The following PKNOX2 variants were observed in gnomAD, a reference collection of about 807,000 sequenced individuals.
PKNOX2 encodes the protein PBX/knotted 1 homeobox 2.
A neutral mutation model predicts 53.1 loss-of-function variants in PKNOX2; 14 were observed. The observed-to-expected ratio is 0.26, with a 90% CI of 0.17 to 0.41. The LOEUF (loss-of-function observed/expected upper bound fraction) is 0.41, where lower values mean the gene tolerates loss of function less well. Ranked by LOEUF, PKNOX2 falls within the 10% of genes least tolerant of loss-of-function variation. PKNOX2 has a pLI of 1.00. For synonymous variants in PKNOX2, 257 were observed against 242.8 expected (o/e 1.06, Z -0.54); for missense variants, 496 against 602.8 (o/e 0.82, Z 1.85).
intron 2 of PKNOX2, among the ~76,000 whole-genome samples, chr11:125,280,092 A>T (rs1216500470): frequency 4.1e-5 from 6 of 144,584 alleles, no homozygotes; most frequent in Non-Finnish European, 6.0e-5. Context: ...CTGATAAAGG[A>T]TTTTTTTTCC....
At position 125,166,559 on chromosome 11, in the gene PKNOX2, G is replaced by A. The variant is rs1954891317; in HGVS notation, c.-201+1783G>A. On this transcript the variant is annotated intron_variant, in intron 1 of 12. Coordinates refer to ENST00000298282, the MANE Select transcript of PKNOX2 (RefSeq NM_001382323.2). The surrounding 1 kb of genome is among the most constrained non-coding windows in gnomAD (Gnocchi z 4.0). ...TGCTCCAGGAGCCACCTGGGTCTGC[G>A]GGCGCAGCGCGGCGGGGCGGGAGCG... Among the ~76,000 whole-genome samples, 1 of 152,146 alleles carries A rather than the reference G, an allele frequency of 6.6e-6. No homozygotes were observed. The highest frequency in any genetic ancestry group is 1.5e-5 in the Non-Finnish European group (1 of 68,020).
chr11:125,213,638 T>C (rs1180479879), intron 1 of PKNOX2, among the ~76,000 whole-genome samples: 1 of 152,070 alleles, frequency 6.6e-6, no homozygotes, highest in Non-Finnish European at 1.5e-5. Context: ...TTGTAATTTT[T>C]GTAAAGACAA....
Position 125,431,623 on chromosome 11 carries a change from G to A in PKNOX2, c.*231G>A. On this transcript the variant is annotated 3_prime_UTR_variant, in exon 13 of 13. Coordinates refer to ENST00000298282, the MANE Select transcript of PKNOX2 (RefSeq NM_001382323.2). ...CTGGAACTGCCGAGGACTCTGTTTG[G>A]CGGGGCCAGTCGAGCAGCCTGTGTG... 2 of 561,392 alleles carry A rather than the reference G, an allele frequency of 3.6e-6. No homozygotes were observed. Among genetic ancestry groups the A allele is most frequent in the Non-Finnish European group, 6.3e-6 (2 of 316,244 alleles). The allele number at this position is 561,392 out of a possible 1,614,324, so 34.8% of individuals were successfully genotyped here. A position where few individuals can be genotyped will look rare whatever the true frequency, so the allele number is the denominator to read the frequency against.
chr11:125,199,165 G>A (rs1393476461), intron 1 of PKNOX2, among the ~76,000 whole-genome samples: 1 of 151,810 alleles, frequency 6.6e-6, no homozygotes, highest in Non-Finnish European at 1.5e-5. Context: ...TCTCCTCTTT[G>A]GTAGTTGATC....
At chr11:125,332,153 C>A (rs546829003) in intron 3 of PKNOX2, among the ~76,000 whole-genome samples, 1 of 152,242 alleles carries the variant, frequency 6.6e-6, no homozygotes, top group South Asian at 2.1e-4. Context: ...ATTCTGTGAA[C>A]AATAAATGGT....
intron 4 of PKNOX2, among the ~76,000 whole-genome samples, chr11:125,359,107 A>AAAGGCAGGAAGGTGGACACCATCGGG (rs1951782968): frequency 6.8e-6 from 1 of 146,916 alleles, no homozygotes; most frequent in African/African-American, 2.7e-5. Flanking sequence ...ACACCATCGG[A>AAAGGCAGGAAGGTGGACACCATCGGG]AAGGCAGGAA....
intron 2 of PKNOX2, among the ~76,000 whole-genome samples, chr11:125,307,373 C>T (rs1948532363): frequency 6.6e-6 from 1 of 152,126 alleles, no homozygotes; most frequent in African/African-American, 2.4e-5. Flanking sequence ...GCCTGGCCAA[C>T]ATGGTGAAAC....
At chr11:125,286,934 G>C (rs1041902367) in intron 2 of PKNOX2, among the ~76,000 whole-genome samples, 4 of 152,196 alleles carry the variant, frequency 2.6e-5, no homozygotes, top group Non-Finnish European at 4.4e-5. Flanking sequence ...TTCTCAAGAG[G>C]GAAAGCGTTG....
At chr11:125,350,036 G>A (rs1565503335) in intron 3 of PKNOX2, among the ~76,000 whole-genome samples, 1 of 152,166 alleles carries the variant, frequency 6.6e-6, no homozygotes, top group Non-Finnish European at 1.5e-5. Flanking sequence ...GAGGGTGTGA[G>A]TGCTGTGCTC....
chr11:125,214,444 T>A (rs1403620528), intron 1 of PKNOX2, among the ~76,000 whole-genome samples: 2 of 152,072 alleles, frequency 1.3e-5, no homozygotes, highest in East Asian at 3.9e-4. Flanking sequence ...TTCTTCTGGC[T>A]AAGAGTGACA....
At position 125,166,438 on chromosome 11, in the gene PKNOX2, G is replaced by T. The variant is rs1211123004; in HGVS notation, c.-201+1662G>T. On this transcript the variant is annotated intron_variant, in intron 1 of 12. Coordinates refer to ENST00000298282, the MANE Select transcript of PKNOX2 (RefSeq NM_001382323.2). The surrounding 1 kb of genome is among the most constrained non-coding windows in gnomAD (Gnocchi z 4.0). ...CCCGGTCCTAAGAGAGCGATTCCGG[G>T]AAGCGGACAGATCGAAGAGACCTTC... Among the ~76,000 whole-genome samples, 1 of 152,214 alleles carries T rather than the reference G, an allele frequency of 6.6e-6. No individual in the cohort carries two copies. Among genetic ancestry groups the T allele is most frequent in the Non-Finnish European group, 1.5e-5 (1 of 68,032 alleles).
At chr11:125,329,450 G>A (rs56299787) in intron 2 of PKNOX2, among the ~76,000 whole-genome samples, 8,611 of 152,270 alleles carry the variant, frequency 0.057, 357 homozygotes, top group African/African-American at 0.11. Context: ...AGTTAAAGAA[G>A]ATATTACACA....
chr11:125,411,501 T>TCG, intron 9 of PKNOX2: 1 of 451,412 alleles, frequency 2.2e-6, no homozygotes, highest in East Asian at 4.2e-5. Flanking sequence ...TCTCTCTCTC[T>TCG]CTCTCTCTCC....
intron 2 of PKNOX2, among the ~76,000 whole-genome samples, chr11:125,251,427 C>A (rs1389413692): frequency 6.6e-6 from 1 of 152,166 alleles, no homozygotes; most frequent in African/African-American, 2.4e-5. Flanking sequence ...CTCTGTGGGG[C>A]TAGCTTGGAA....
chr11:125,420,890 C>G (rs1956137203), intron 10 of PKNOX2, among the ~76,000 whole-genome samples: 2 of 152,110 alleles, frequency 1.3e-5, no homozygotes, highest in African/African-American at 2.4e-5. Flanking sequence ...GGAGTCTTCC[C>G]CAGCCTAGTT....
intron 1 of PKNOX2, among the ~76,000 whole-genome samples, chr11:125,170,673 T>C (rs995127764): frequency 2.0e-5 from 3 of 152,240 alleles, no homozygotes; most frequent in Non-Finnish European, 4.4e-5. Context: ...ACGTTTCTGC[T>C]AAGACCTATC....
At chr11:125,170,172 G>A (rs1328867833) in intron 1 of PKNOX2, among the ~76,000 whole-genome samples, 1 of 152,184 alleles carries the variant, frequency 6.6e-6, no homozygotes, top group Non-Finnish European at 1.5e-5. Flanking sequence ...TTCTGGGCCA[G>A]AAAGCCCAAG....
intron 7 of PKNOX2, among the ~76,000 whole-genome samples, chr11:125,400,421 C>T (rs142926854): frequency 1.6e-3 from 249 of 152,300 alleles, no homozygotes; most frequent in African/African-American, 5.7e-3. Context: ...ATTCATCTTT[C>T]TAACTTTGTT....
At chr11:125,213,887 TA>T (rs1452997557) in intron 1 of PKNOX2, among the ~76,000 whole-genome samples, 6 of 151,982 alleles carry the variant, frequency 3.9e-5, no homozygotes, top group Non-Finnish European at 8.8e-5. Context: ...ATGTGGAAAG[TA>T]AAGACAAGGA....
Sources: gnomAD v4.1 joint callset for allele counts (sites outside exome capture counted in the v4.1 genomes callset) on GRCh38, gnomAD v4.1.1 for gene constraint, Gnocchi (gnomAD v3.1) non-coding constraint, MANE v1.5 for transcripts, NCBI Gene and HGNC (gene_info 2026-07-23, HGNC 2026-07-21) for gene names.